Variants in RGS6 observed in about 807,000 individuals in gnomAD.
RGS6 encodes the protein regulator of G-protein signaling 6.
Under a neutral mutation model 78.5 loss-of-function variants are expected in RGS6, and 30 were observed. The ratio of observed to expected loss-of-function variants is 0.38; its 90% CI spans 0.29 to 0.52. The LOEUF (loss-of-function observed/expected upper bound fraction) is 0.52. Among genes scored for constraint, RGS6 ranks in the 20% least tolerant of loss-of-function variants. The pLI is 0.85. For synonymous variants in RGS6, 206 were observed against 206.0 expected (o/e 1.00, Z 0.00); for missense variants, 495 against 609.7 (o/e 0.81, Z 1.98).
the RGS6 span, among the ~76,000 whole-genome samples, chr14:72,625,172 A>G: frequency 8.5e-5 from 13 of 152,300 alleles, 1 homozygote; most frequent in East Asian, 1.9e-3. Context: ...CCTTATAACC[A>G]TAACTGTGAA....
the RGS6 span, chr14:72,612,557 C>T: frequency 2.0e-6 from 1 of 508,460 alleles, no homozygotes; most frequent in South Asian, 1.4e-5. Context: ...CACTCCTTAG[C>T]ATCTATCACG....
At chr14:72,395,261 C>T (rs963507891) in intron 3 of RGS6, among the ~76,000 whole-genome samples, 10 of 151,944 alleles carry the variant, frequency 6.6e-5, no homozygotes, top group South Asian at 6.2e-4. Flanking sequence ...CCAGAAATAA[C>T]GATGTTGAGC....
intron 1 of RGS6, among the ~76,000 whole-genome samples, chr14:71,945,825 A>G (rs2091430180): frequency 6.6e-6 from 1 of 152,108 alleles, no homozygotes; most frequent in Non-Finnish European, 1.5e-5. Flanking sequence ...ATTATTAACC[A>G]ATTTCAATTA....
intron 2 of RGS6, among the ~76,000 whole-genome samples, chr14:72,329,900 T>A (rs1445938593): frequency 6.6e-6 from 1 of 152,216 alleles, no homozygotes; most frequent in Admixed American, 6.5e-5. Context: ...CACCTCTGGC[T>A]ACACAGTCTC....
intron 2 of RGS6, among the ~76,000 whole-genome samples, chr14:72,159,221 G>A (rs890702306): frequency 1.3e-5 from 2 of 152,140 alleles, no homozygotes; most frequent in Non-Finnish European, 2.9e-5. Flanking sequence ...GACATTATGC[G>A]AACCATCTCA....
At chr14:72,366,063 A>G (rs1248165010) in intron 3 of RGS6, among the ~76,000 whole-genome samples, 1 of 152,172 alleles carries the variant, frequency 6.6e-6, no homozygotes, top group Non-Finnish European at 1.5e-5. Flanking sequence ...ACTGGGAACT[A>G]TAATTTTCAC....
chr14:71,925,826 C>T, the RGS6 span, among the ~76,000 whole-genome samples: 1 of 151,462 alleles, frequency 6.6e-6, no homozygotes, highest in Non-Finnish European at 1.5e-5. Context: ...ATTACTACAG[C>T]TTACAAAATC....
chr14:72,295,921 A>G (rs1323347662), intron 2 of RGS6, among the ~76,000 whole-genome samples: 2 of 152,240 alleles, frequency 1.3e-5, no homozygotes, highest in Non-Finnish European at 2.9e-5. Flanking sequence ...TTTTAAGTAC[A>G]CAGTTTGATC....
intron 2 of RGS6, among the ~76,000 whole-genome samples, chr14:72,252,341 A>G (rs575706671): frequency 5.9e-5 from 9 of 152,244 alleles, no homozygotes; most frequent in Non-Finnish European, 1.0e-4. Context: ...ACCATCAACT[A>G]TGTATCAATT....
At chr14:72,066,209 G>A (rs889893685) in intron 2 of RGS6, among the ~76,000 whole-genome samples, 13 of 152,136 alleles carry the variant, frequency 8.5e-5, no homozygotes, top group Admixed American at 6.5e-5. Flanking sequence ...TACTTTTGTG[G>A]TTTGACTGTG....
At chr14:72,233,926 C>T (rs185495341) in intron 2 of RGS6, among the ~76,000 whole-genome samples, 2 of 152,098 alleles carry the variant, frequency 1.3e-5, no homozygotes, top group East Asian at 1.9e-4. Context: ...AGTTAGAGTT[C>T]GTACTGAGTG....
In RGS6 at chr14:72,388,781, C is replaced by CACTTT. The variant is rs1195220559; in HGVS notation, c.184+36597_184+36601dup. On this transcript the variant is annotated intron_variant, in intron 3 of 17. Coordinates refer to ENST00000553525, the MANE Select transcript of RGS6 (RefSeq NM_001204424.2). Reference sequence around the variant, plus strand: ...TATGGGCTCTGTACCTTGGCCACTTCACTTTACTTTACTTCTTTGTGCTTT... The same window carrying CACTTT: ...TATGGGCTCTGTACCTTGGCCACTTCACTTTACTTTACTTTACTTCTTTGTGCTTT... 1.5e-4 allele frequency among the ~76,000 whole-genome samples: 23 copies of CACTTT among 152,308 alleles called. No individual in the cohort carries two copies. In the East Asian group the frequency reaches 4.1e-3, roughly 27 times the overall value.
At chr14:72,336,830 C>T (rs1352576371) in intron 2 of RGS6, among the ~76,000 whole-genome samples, 1 of 150,478 alleles carries the variant, frequency 6.6e-6, no homozygotes, top group East Asian at 1.9e-4. Context: ...CTGTTCCCAG[C>T]CTCTCTCTCT....
intron 13 of RGS6, among the ~76,000 whole-genome samples, chr14:72,506,957 G>A (rs2096809309): frequency 8.1e-6 from 1 of 123,400 alleles, no homozygotes. Flanking sequence ...GACCATCCTG[G>A]CTAACACGGT....
intron 2 of RGS6, among the ~76,000 whole-genome samples, chr14:72,280,013 G>A (rs2061320385): frequency 6.6e-6 from 1 of 152,120 alleles, no homozygotes; most frequent in Admixed American, 6.5e-5. Context: ...TACTACTACA[G>A]GGTACTGTGT....
chr14:72,068,624 G>A (rs1460961779), intron 2 of RGS6, among the ~76,000 whole-genome samples: 1 of 150,986 alleles, frequency 6.6e-6, no homozygotes, highest in Non-Finnish European at 1.5e-5. Context: ...AGCCTCCTGA[G>A]TAGCTGGGAT....
chr14:72,310,894 G>T (rs2068459192), intron 2 of RGS6, among the ~76,000 whole-genome samples: 1 of 152,142 alleles, frequency 6.6e-6, no homozygotes, highest in Non-Finnish European at 1.5e-5. Flanking sequence ...GAATTCATAG[G>T]TACCAGGATA....
intron 2 of RGS6, among the ~76,000 whole-genome samples, chr14:72,006,426 CAG>C (rs1226615906): frequency 6.6e-6 from 1 of 152,154 alleles, no homozygotes; most frequent in Non-Finnish European, 1.5e-5. Context: ...TTTTGAAAGA[CAG>C]AGGTTTCCGT....
chr14:72,125,132 G>A (rs918876698), intron 2 of RGS6, among the ~76,000 whole-genome samples: 1 of 152,160 alleles, frequency 6.6e-6, no homozygotes, highest in Non-Finnish European at 1.5e-5. Context: ...TCCTGAGGGG[G>A]ACGTCTTTGT....
Sources: allele counts gnomAD v4.1 joint callset (sites outside exome capture counted in the v4.1 genomes callset), GRCh38; gene constraint gnomAD v4.1.1; transcripts MANE v1.5; gene names NCBI Gene and HGNC (gene_info 2026-07-23, HGNC 2026-07-21).